Variants in LYPD6B observed in about 807,000 individuals in gnomAD.
LYPD6B encodes the protein ly6/PLAUR domain-containing protein 6B.
In LYPD6B, 17 loss-of-function variants were observed where a neutral mutation model predicts 22.8. The ratio of observed to expected loss-of-function variants is 0.75; its 90% CI spans 0.51 to 1.12. The LOEUF is 1.12. LYPD6B is among the 50% of genes most tolerant of loss of function. The pLI is 0.00. For missense variants in LYPD6B, 221 were observed against 258.3 expected (o/e 0.86, Z 0.99); for synonymous variants, 106 against 91.6 (o/e 1.16, Z -0.90).
At chr2:149,202,743 T>C (rs1693250020) in intron 3 of LYPD6B, among the ~76,000 whole-genome samples, 1 of 152,224 alleles carries the variant, frequency 6.6e-6, no homozygotes, top group Non-Finnish European at 1.5e-5. Context: ...AATGGGCTTT[T>C]GTCTCACACT....
rs561869763 is a variant in LYPD6B at position 149,188,468 on chromosome 2, C to T, written c.78-16785C>T. On this transcript the variant is annotated intron_variant, in intron 3 of 6. Coordinates refer to ENST00000409642, the MANE Select transcript of LYPD6B (RefSeq NM_177964.5). Reference sequence around the variant, plus strand: ...TGGGGAAAAGGATTGACATTCTCCACCTAACCCCAGCCCAGAGTCATTACT... The same window carrying T: ...TGGGGAAAAGGATTGACATTCTCCATCTAACCCCAGCCCAGAGTCATTACT... Among the ~76,000 whole-genome samples, 247 of 152,278 alleles carry T rather than the reference C, an allele frequency of 1.6e-3. 1 individual carries two copies. Among genetic ancestry groups the T allele is most frequent in the African/African-American group, 5.8e-3 (240 of 41,560 alleles).
intron 1 of LYPD6B, among the ~76,000 whole-genome samples, chr2:149,093,091 C>T (rs1367289517): frequency 6.6e-6 from 1 of 152,094 alleles, no homozygotes; most frequent in Admixed American, 6.6e-5. Flanking sequence ...GCTGTTTGAC[C>T]TGGAACAAGG....
intron 1 of LYPD6B, among the ~76,000 whole-genome samples, chr2:149,105,535 A>G (rs1686430652): frequency 6.6e-6 from 1 of 152,098 alleles, no homozygotes; most frequent in East Asian, 1.9e-4. Context: ...TGTCAGATTT[A>G]CCCCTCAATG....
chr2:149,110,335 G>C (rs779321897), intron 1 of LYPD6B, among the ~76,000 whole-genome samples: 7 of 151,758 alleles, frequency 4.6e-5, no homozygotes, highest in Non-Finnish European at 1.0e-4. Context: ...TTTTCATTAT[G>C]GTTGCATTTT....
chr2:149,135,474 C>T (rs1210200515), intron 2 of LYPD6B, among the ~76,000 whole-genome samples: 1 of 151,752 alleles, frequency 6.6e-6, no homozygotes, highest in Non-Finnish European at 1.5e-5. Context: ...AACCCCAGCA[C>T]TTTGGAAGGC....
chr2:149,107,770 G>A (rs1026338730), intron 1 of LYPD6B, among the ~76,000 whole-genome samples: 3 of 152,082 alleles, frequency 2.0e-5, no homozygotes, highest in African/African-American at 7.2e-5. Context: ...CTATTTACCT[G>A]TGTTTTGGCA....
At chr2:149,169,943 A>C (rs1690706596) in intron 3 of LYPD6B, among the ~76,000 whole-genome samples, 1 of 152,198 alleles carries the variant, frequency 6.6e-6, no homozygotes, top group South Asian at 2.1e-4. Context: ...CCACTGAATA[A>C]AAATCTCCAG....
intron 1 of LYPD6B, among the ~76,000 whole-genome samples, chr2:149,125,954 T>C (rs1242538472): frequency 6.6e-6 from 1 of 152,224 alleles, no homozygotes; most frequent in East Asian, 1.9e-4. Flanking sequence ...AATTTCCTCA[T>C]TGGGTGTTCT....
chr2:149,064,698 C>T (rs1684244078), intron 1 of LYPD6B, among the ~76,000 whole-genome samples: 1 of 152,200 alleles, frequency 6.6e-6, no homozygotes, highest in African/African-American at 2.4e-5. Context: ...AATTAGCTCA[C>T]TGCAGGCAGG....
intron 2 of LYPD6B, among the ~76,000 whole-genome samples, chr2:149,134,868 G>A (rs1261072882): frequency 6.6e-6 from 1 of 152,328 alleles, no homozygotes; most frequent in East Asian, 1.9e-4. Flanking sequence ...TTAAGAGCAT[G>A]CTATATTCAT....
chr2:149,167,438 G>C (rs573439782), intron 3 of LYPD6B, among the ~76,000 whole-genome samples: 2 of 152,266 alleles, frequency 1.3e-5, no homozygotes, highest in East Asian at 3.9e-4. Flanking sequence ...TAGGAGGTTT[G>C]GTTGATTAAC....
rs574478945 is a variant in LYPD6B, at chr2:149,152,018, C to T, written c.6-8746C>T. Reference sequence around the variant, plus strand: ...TTTCCCTCACTCTCCGACATTTGCTCATCAAAATATTGTTTTTCCTCAAGA... The same window carrying T: ...TTTCCCTCACTCTCCGACATTTGCTTATCAAAATATTGTTTTTCCTCAAGA... On this transcript the variant is annotated intron_variant, in intron 2 of 6. Transcript: ENST00000409642. Among the ~76,000 whole-genome samples the T allele has an allele frequency of 1.7e-4, 26 of 152,250 alleles. 1 individual carries two copies. The Middle Eastern group carries it at 0.01, about 60-fold the overall frequency.
chr2:149,160,346 GCA>G, intron 2 of LYPD6B: 1 of 439,222 alleles, frequency 2.3e-6, no homozygotes, highest in South Asian at 1.6e-5. Context: ...AGGTTAAATG[GCA>G]CAGAGTCTTC....
intron 1 of LYPD6B, among the ~76,000 whole-genome samples, chr2:149,088,857 A>G (rs1685517166): frequency 6.6e-6 from 1 of 152,146 alleles, no homozygotes; most frequent in Non-Finnish European, 1.5e-5. Context: ...TTCTCCTGTT[A>G]AAGGTTTCAT....
At chr2:149,115,570 T>G (rs893510780) in intron 1 of LYPD6B, among the ~76,000 whole-genome samples, 1 of 152,226 alleles carries the variant, frequency 6.6e-6, no homozygotes, top group African/African-American at 2.4e-5. Flanking sequence ...GATCACTTAA[T>G]TGCTTATGTG....
chr2:149,122,703 G>A (rs1170242149), intron 1 of LYPD6B, among the ~76,000 whole-genome samples: 1 of 151,950 alleles, frequency 6.6e-6, no homozygotes, highest in Non-Finnish European at 1.5e-5. Flanking sequence ...GCTTGTCTGT[G>A]TAACCACATG....
chr2:149,105,499 T>C (rs1686429130), intron 1 of LYPD6B, among the ~76,000 whole-genome samples: 1 of 152,208 alleles, frequency 6.6e-6, no homozygotes, highest in Non-Finnish European at 1.5e-5. Context: ...AGCAATGTTG[T>C]GTAGTGAATA....
At chr2:149,161,539 T>C (rs1014549607) in intron 3 of LYPD6B, 1 of 152,268 alleles carries the variant, frequency 6.6e-6, no homozygotes, top group African/African-American at 2.4e-5. Flanking sequence ...AGGTTTGGTT[T>C]TTCTGAGGGC....
chr2:149,213,893 ATGGATGCCTAGAG>A (rs1235850712), intron 6 of LYPD6B, among the ~76,000 whole-genome samples: 4 of 152,310 alleles, frequency 2.6e-5, no homozygotes, highest in Non-Finnish European at 4.4e-5. Context: ...AACCACTGAT[ATGGATGCCTAGAG>A]TTGATGCCTT....
Sources: allele counts gnomAD v4.1 joint callset (sites outside exome capture counted in the v4.1 genomes callset), GRCh38; gene constraint gnomAD v4.1.1; transcripts MANE v1.5; gene names NCBI Gene and HGNC (gene_info 2026-07-23, HGNC 2026-07-21).